The following IPO11 variants were observed in gnomAD, a reference collection of about 807,000 sequenced individuals.
The protein encoded by IPO11 is importin 11.
Under a neutral mutation model 143.2 loss-of-function variants are expected in IPO11, and 66 were observed. That is an observed-to-expected ratio of 0.46 (90% CI 0.38 to 0.57). The LOEUF is 0.57. Among genes scored for constraint, IPO11 ranks in the 20% least tolerant of loss-of-function variants. The pLI is 0.00. For synonymous variants in IPO11, 385 were observed against 377.8 expected (o/e 1.02, Z -0.22); for missense variants, 1,026 against 1,141.0 (o/e 0.90, Z 1.45).
intron 5 of IPO11, among the ~76,000 whole-genome samples, chr5:62,454,398 T>C (rs1210049934): frequency 6.6e-6 from 1 of 152,190 alleles, no homozygotes; most frequent in Non-Finnish European, 1.5e-5. Context: ...CAAAATCAAT[T>C]GTCTAGAAGA....
At chr5:62,561,285 T>G in intron 27 of IPO11, 28 bp downstream of exon 27, 1 of 1,219,114 alleles carries the variant, frequency 8.2e-7, no homozygotes, top group Non-Finnish European at 1.1e-6. Context: ...TAAAATTTGT[T>G]TCTTTCAAGC....
chr5:62,580,573 A>C, intron 27 of IPO11: 1 of 1,551,478 alleles, frequency 6.4e-7, no homozygotes, highest in Non-Finnish European at 8.7e-7. Flanking sequence ...ATCTTCAGCC[A>C]TTACTCTAAA....
intron 27 of IPO11, chr5:62,581,350 A>C (rs1009488208): frequency 2.1e-6 from 3 of 1,414,788 alleles, no homozygotes; most frequent in Non-Finnish European, 9.3e-7. Flanking sequence ...TGCCATGGAC[A>C]TGATTTAAAC....
chr5:62,607,734 G>A (rs1233849169), intron 29 of IPO11, among the ~76,000 whole-genome samples: 2 of 151,764 alleles, frequency 1.3e-5, no homozygotes, highest in South Asian at 2.1e-4. Flanking sequence ...TATGAGTTGA[G>A]AGACCTTTTT....
intron 22 of IPO11, among the ~76,000 whole-genome samples, chr5:62,533,023 G>A (rs986631488): frequency 6.6e-6 from 1 of 151,714 alleles, no homozygotes; most frequent in South Asian, 2.1e-4. Context: ...TACTTTTATT[G>A]TTCAAACAAA....
chr5:62,600,977 G>A (rs1219571704), intron 28 of IPO11, among the ~76,000 whole-genome samples: 1 of 152,242 alleles, frequency 6.6e-6, no homozygotes, highest in African/African-American at 2.4e-5. Flanking sequence ...ACACAGCTGA[G>A]TCAGGAATTG....
intron 29 of IPO11, among the ~76,000 whole-genome samples, chr5:62,611,969 A>G (rs1745941055): frequency 6.6e-6 from 1 of 152,204 alleles, no homozygotes; most frequent in South Asian, 2.1e-4. Context: ...TTTTGAAGAA[A>G]TTGATTTTTC....
At chr5:62,434,299 C>CTT (rs34058984) in intron 1 of IPO11, among the ~76,000 whole-genome samples, 3 of 151,116 alleles carry the variant, frequency 2.0e-5, no homozygotes, top group Admixed American at 1.3e-4. Context: ...TGCAGTCAGT[C>CTT]TTTTTTTTTG....
At chr5:62,419,314 C>A (rs1029696934) in intron 1 of IPO11, among the ~76,000 whole-genome samples, 3 of 152,138 alleles carry the variant, frequency 2.0e-5, no homozygotes, top group Non-Finnish European at 4.4e-5. Context: ...CATTATTGTA[C>A]ACTTAGGCTA....
chr5:62,470,395 A>G (rs1428616091), intron 7 of IPO11, 87 bp downstream of exon 7: 1 of 1,177,904 alleles, frequency 8.5e-7, no homozygotes, highest in Non-Finnish European at 1.3e-6. Flanking sequence ...TTTGGCATTC[A>G]ATTAGAAGAG....
intron 5 of IPO11, among the ~76,000 whole-genome samples, chr5:62,459,231 A>C (rs141453918): frequency 0.011 from 1,626 of 152,270 alleles, 31 homozygotes; most frequent in African/African-American, 0.038. Context: ...GATGGGCCAC[A>C]GTGTCCCTCC....
intron 28 of IPO11, among the ~76,000 whole-genome samples, chr5:62,596,807 T>C (rs1745243276): frequency 6.6e-6 from 1 of 152,136 alleles, no homozygotes; most frequent in Non-Finnish European, 1.5e-5. Context: ...CTGAGTTTCT[T>C]ACAGGATCAA....
At chr5:62,513,480 A>C (rs1388285370) in intron 19 of IPO11, among the ~76,000 whole-genome samples, 1 of 108,732 alleles carries the variant, frequency 9.2e-6, no homozygotes, top group African/African-American at 3.5e-5. Flanking sequence ...ACTTCCCAGT[A>C]GGGGCGGCCG....
chr5:62,538,886 G>A (rs571783926), intron 24 of IPO11, among the ~76,000 whole-genome samples: 1 of 152,316 alleles, frequency 6.6e-6, no homozygotes, highest in African/African-American at 2.4e-5. Context: ...GGCGAATATA[G>A]TGTTAAGTAC....
At chr5:62,616,719 C>CAAAAA (rs538760503) in intron 29 of IPO11, among the ~76,000 whole-genome samples, 1,037 of 84,402 alleles carry the variant, frequency 0.012, 107 homozygotes, top group African/African-American at 0.051. Context: ...GACTCTGACT[C>CAAAAA]AAAAAAAAAA....
intron 12 of IPO11, among the ~76,000 whole-genome samples, chr5:62,486,677 A>G (rs1389124458): frequency 6.6e-6 from 1 of 152,212 alleles, no homozygotes; most frequent in Non-Finnish European, 1.5e-5. Flanking sequence ...ATAAACATAC[A>G]GTTGTTAACC....
At chr5:62,413,134 G>A (rs1457834910) in intron 1 of IPO11, among the ~76,000 whole-genome samples, 4 of 152,212 alleles carry the variant, frequency 2.6e-5, no homozygotes, top group African/African-American at 9.6e-5. Flanking sequence ...GCCCGGGAGT[G>A]GGCAGCATGG....
intron 2 of IPO11, among the ~76,000 whole-genome samples, chr5:62,437,978 A>G (rs965554753): frequency 2.0e-5 from 3 of 152,236 alleles, no homozygotes; most frequent in African/African-American, 4.8e-5. Flanking sequence ...TATTTTCTCA[A>G]TGCCAGAATG....
Position 62,530,575 on chromosome 5 carries a change from A to G in IPO11, c.2013-134A>G, listed in dbSNP as rs536794458. 6.5e-5 allele frequency: 38 copies of G among 582,726 alleles called. No individual in the cohort carries two copies. The East Asian group carries it at 1.0e-3, about 16-fold the overall frequency. The allele number at this position is 582,726 out of a possible 1,614,324, so 36.1% of individuals were successfully genotyped here. A position where few individuals can be genotyped will look rare whatever the true frequency, so the allele number is the denominator to read the frequency against. The stretch of plus-strand genomic sequence containing the variant: ...AGGCATTTGGTTAATTCTTTCTTAG[A>G]TAATTTTTATAACTTAACTGATTAT... On this transcript the variant is annotated intron_variant, in intron 21 of 29. Coordinates refer to ENST00000325324, the MANE Select transcript of IPO11 (RefSeq NM_016338.5).
Sources: gnomAD v4.1 joint callset for allele counts (sites outside exome capture counted in the v4.1 genomes callset) on GRCh38, gnomAD v4.1.1 for gene constraint, MANE v1.5 for transcripts, NCBI Gene and HGNC (gene_info 2026-07-23, HGNC 2026-07-21) for gene names.